Variants in STRN observed in about 807,000 individuals in gnomAD.
The protein encoded by STRN is protein phosphatase 2 regulatory subunit B'''alpha.
In STRN, 53 loss-of-function variants were observed where a neutral mutation model predicts 96.3. The observed-to-expected ratio is 0.55, with a 90% confidence interval of 0.44 to 0.69. The LOEUF is 0.69. Among genes scored for constraint, STRN ranks in the 30% least tolerant of loss-of-function variants. The probability of loss-of-function intolerance (pLI) is 0.00; values close to 1 mark genes in which losing one functional copy is unlikely to be tolerated. For synonymous variants in STRN, 428 were observed against 355.9 expected, an observed-to-expected ratio of 1.20 and a Z score of -2.28; for missense variants, 987 against 963.9, an observed-to-expected ratio of 1.02 and a Z score of -0.32.
chr2:36,887,686 T>C (rs1371533295), intron 7 of STRN, among the ~76,000 whole-genome samples: 1 of 152,184 alleles, frequency 6.6e-6, no homozygotes, highest in South Asian at 2.1e-4. Context: ...ATACATAGCA[T>C]TTGAAAAATT....
At chr2:36,921,783 G>C (rs1332285741) in intron 2 of STRN, among the ~76,000 whole-genome samples, 9 of 152,134 alleles carry the variant, frequency 5.9e-5, no homozygotes, top group Non-Finnish European at 1.5e-5. Flanking sequence ...TGTGTTTAGA[G>C]ATCTTTCCAG....
chr2:36,920,592 C>T (rs1350078094), intron 2 of STRN, among the ~76,000 whole-genome samples: 2 of 148,672 alleles, frequency 1.3e-5, no homozygotes, highest in Non-Finnish European at 3.0e-5. Context: ...GAGCTGAGAT[C>T]GTGCCATGGC....
chr2:36,884,263 T>C (rs992020368), intron 8 of STRN, among the ~76,000 whole-genome samples, 188 bp from the exon 9 acceptor site: 1 of 152,202 alleles, frequency 6.6e-6, no homozygotes, highest in Non-Finnish European at 1.5e-5. Context: ...TTGAAAAGAA[T>C]TATACTTTTT....
intron 16 of STRN, 106 bp downstream of exon 16, chr2:36,850,894 C>T: frequency 1.3e-6 from 1 of 767,810 alleles, no homozygotes; most frequent in Admixed American, 2.9e-5. Flanking sequence ...GGTTCAGTGC[C>T]TATTCCCTGA....
At chr2:36,945,910 G>A (rs1670970406) in intron 1 of STRN, among the ~76,000 whole-genome samples, 1 of 152,114 alleles carries the variant, frequency 6.6e-6, no homozygotes, top group South Asian at 2.1e-4. Flanking sequence ...AGAAAGCAAT[G>A]ATAAATACTA....
At chr2:36,931,078 A>AC (rs1670562665) in intron 1 of STRN, among the ~76,000 whole-genome samples, 2 of 151,718 alleles carry the variant, frequency 1.3e-5, no homozygotes, top group African/African-American at 4.8e-5. Context: ...CCAGAACCCT[A>AC]CCTCTTTTTT....
chr2:36,910,081 G>C (rs1049053853), intron 3 of STRN, among the ~76,000 whole-genome samples: 17 of 151,350 alleles, frequency 1.1e-4, no homozygotes, highest in African/African-American at 4.1e-4. Context: ...GCTGAGGCAG[G>C]AGAATCGCTT....
chr2:36,851,585 G>T (rs1175593904), intron 15 of STRN, among the ~76,000 whole-genome samples: 1 of 152,164 alleles, frequency 6.6e-6, no homozygotes, highest in Non-Finnish European at 1.5e-5. Flanking sequence ...TTCAATGTTA[G>T]GAAAGAGAAT....
At chr2:36,934,899 GA>G (rs1233387318) in intron 1 of STRN, among the ~76,000 whole-genome samples, 1 of 152,182 alleles carries the variant, frequency 6.6e-6, no homozygotes, top group Non-Finnish European at 1.5e-5. Context: ...GCAAGATGGT[GA>G]AACCCCGTCT....
chr2:36,892,468 T>C (rs571334919), intron 7 of STRN, among the ~76,000 whole-genome samples: 3 of 152,256 alleles, frequency 2.0e-5, no homozygotes, highest in Admixed American at 6.5e-5. Flanking sequence ...TATTTATAAA[T>C]AGGGTAATCT....
chr2:36,930,586 G>GT (rs1339893820), intron 1 of STRN, among the ~76,000 whole-genome samples: 1 of 152,110 alleles, frequency 6.6e-6, no homozygotes, highest in Non-Finnish European at 1.5e-5. Context: ...TGCATTTCTA[G>GT]TAAGTACCCA....
intron 2 of STRN, among the ~76,000 whole-genome samples, chr2:36,920,395 T>G (rs752486105): frequency 3.4e-4 from 52 of 151,964 alleles, no homozygotes; most frequent in Non-Finnish European, 5.7e-4. Flanking sequence ...TCCCAACACT[T>G]TGGGAGGCCG....
intron 1 of STRN, among the ~76,000 whole-genome samples, chr2:36,959,644 A>C (rs1170308878): frequency 1.3e-5 from 2 of 152,224 alleles, no homozygotes; most frequent in Admixed American, 1.3e-4. Context: ...TACTGCCTAA[A>C]AATAAAATGC....
chr2:36,913,457 G>A (rs927297676), intron 3 of STRN, among the ~76,000 whole-genome samples: 2 of 152,104 alleles, frequency 1.3e-5, no homozygotes, highest in African/African-American at 2.4e-5. Context: ...ACTTGCCCTG[G>A]TTAATTCCTA....
Position 36,848,545 on chromosome 2 carries a change from G to A in STRN, c.*911C>T, listed in dbSNP as rs1249180550. 1 of 152,172 alleles carries A rather than the reference G, an allele frequency of 6.6e-6. No individual in the cohort carries two copies. The highest frequency in any genetic ancestry group is 1.5e-5 in the Non-Finnish European group (1 of 68,026). 9.4% of individuals were successfully genotyped at this position (152,172 alleles called of 1,614,324 possible). On this transcript the variant is annotated 3_prime_UTR_variant, in exon 18 of 18. Transcript: ENST00000263918. ...AATAAATTCTATCTTTTCAGTCACTGAAAAGTAAGATTTCATTGGTATGAA... is the reference window on the plus strand; with the variant it reads ...AATAAATTCTATCTTTTCAGTCACTAAAAAGTAAGATTTCATTGGTATGAA...
intron 8 of STRN, among the ~76,000 whole-genome samples, chr2:36,885,735 T>A (rs2148176888): frequency 6.6e-6 from 1 of 152,268 alleles, no homozygotes; most frequent in African/African-American, 2.4e-5. Flanking sequence ...TTTAATAAGC[T>A]TTAGCATCAC....
intron 1 of STRN, among the ~76,000 whole-genome samples, chr2:36,930,337 C>T (rs1236282281): frequency 6.6e-6 from 1 of 151,080 alleles, no homozygotes; most frequent in Non-Finnish European, 1.5e-5. Flanking sequence ...GAGGCTGAGA[C>T]AGGAAAATTG....
intron 13 of STRN, among the ~76,000 whole-genome samples, chr2:36,858,368 C>G (rs185688619): frequency 1.3e-5 from 2 of 152,242 alleles, no homozygotes; most frequent in East Asian, 3.9e-4. Context: ...GGAGAAACCA[C>G]AACTCACACT....
chr2:36,952,800 A>C (rs565205558), intron 1 of STRN, among the ~76,000 whole-genome samples: 68 of 152,362 alleles, frequency 4.5e-4, no homozygotes, highest in South Asian at 2.1e-3. Flanking sequence ...AAGTTCAGCA[A>C]GTGCGCTGAC....
Sources: gnomAD v4.1 joint callset for allele counts (sites outside exome capture counted in the v4.1 genomes callset) on GRCh38, gnomAD v4.1.1 for gene constraint, MANE v1.5 for transcripts, NCBI Gene and HGNC (gene_info 2026-07-23, HGNC 2026-07-21) for gene names.